The following LRBA variants were observed in gnomAD, a reference collection of about 807,000 sequenced individuals.
The protein encoded by LRBA is LPS responsive beige-like anchor protein, also known as lipopolysaccharide-responsive and beige-like anchor protein.
A neutral mutation model predicts 330.0 loss-of-function variants in LRBA; 176 were observed. That is an observed-to-expected ratio of 0.53 (90% CI 0.47 to 0.60). LRBA has a LOEUF of 0.60. Ranked by LOEUF, LRBA falls within the 20% of genes least tolerant of loss-of-function variation. The probability of loss-of-function intolerance (pLI) is 0.00; values close to 1 mark genes in which losing one functional copy is unlikely to be tolerated. For missense variants in LRBA, 3,259 were observed against 3,444.8 expected, an observed-to-expected ratio of 0.95 and a Z score of 1.35; for synonymous variants, 1,230 against 1,193.0, an observed-to-expected ratio of 1.03 and a Z score of -0.64.
At chr4:150,391,838 C>G (rs1743988127) in intron 47 of LRBA, among the ~76,000 whole-genome samples, 1 of 146,172 alleles carries the variant, frequency 6.8e-6, no homozygotes, top group Admixed American at 7.0e-5. Flanking sequence ...TTGGTTTAGG[C>G]TCTCAGAATT....
chr4:150,932,559 T>C (rs1279543717), intron 2 of LRBA, among the ~76,000 whole-genome samples: 4 of 152,014 alleles, frequency 2.6e-5, no homozygotes, highest in African/African-American at 7.3e-5. Flanking sequence ...TGCAAGAACA[T>C]GAGGAAACAG....
intron 40 of LRBA, among the ~76,000 whole-genome samples, chr4:150,543,848 AC>A (rs1765568454): frequency 6.6e-6 from 1 of 152,146 alleles, no homozygotes; most frequent in Admixed American, 6.5e-5. Flanking sequence ...TCATTTACAT[AC>A]TAAAAGGGCA....
intron 24 of LRBA, 57 bp from the exon 25 acceptor site, chr4:150,849,632 G>A: frequency 1.4e-6 from 2 of 1,421,772 alleles, no homozygotes; most frequent in Non-Finnish European, 2.0e-6. Context: ...ATCACAGTTT[G>A]CCTACTTGAG....
chr4:150,406,914 G>A (rs11733079), intron 47 of LRBA, among the ~76,000 whole-genome samples: 33,151 of 152,044 alleles, frequency 0.22, 4,437 homozygotes, highest in Non-Finnish European at 0.31. Flanking sequence ...CCGAGTAGCT[G>A]GAACTACAGG....
At chr4:150,629,128 C>A (rs928873589) in intron 37 of LRBA, among the ~76,000 whole-genome samples, 1 of 152,120 alleles carries the variant, frequency 6.6e-6, no homozygotes, top group African/African-American at 2.4e-5. Flanking sequence ...TCTCAAACTT[C>A]TGGTCTCAAG....
chr4:150,544,345 C>T (rs1239657934), intron 40 of LRBA, among the ~76,000 whole-genome samples: 1 of 152,098 alleles, frequency 6.6e-6, no homozygotes, highest in Non-Finnish European at 1.5e-5. Context: ...CCAGGCTGGT[C>T]TCAAACCCCT....
Position 150,900,203 on chromosome 4 carries a change from G to C in LRBA, c.1770C>G (p.Leu590=). 1 of 1,607,542 alleles carries C rather than the reference G, an allele frequency of 6.2e-7. No individual in the cohort carries two copies. Residue 590 remains leucine, a synonymous_variant, in exon 14 of 57, where the codon CTC becomes CTG. Coordinates refer to ENST00000651943, the MANE Select transcript of LRBA (RefSeq NM_001364905.1). The stretch of plus-strand genomic sequence containing the variant: ...TGAATTCCGTGGACAGATAAGTATA[G>C]AGCATCAGTTGAACCTACAGAATAA... ...IHTPAKVQLM[L]YTYLSTEFIG... is the part of the protein sequence containing the mutation.
At chr4:150,726,381 T>C (rs1265355725) in intron 36 of LRBA, among the ~76,000 whole-genome samples, 1 of 151,966 alleles carries the variant, frequency 6.6e-6, no homozygotes, top group Non-Finnish European at 1.5e-5. Context: ...AAGACAAAAA[T>C]TGTAAAAAGA....
At chr4:150,418,156 T>C (rs1375326778) in intron 46 of LRBA, among the ~76,000 whole-genome samples, 3 of 152,046 alleles carry the variant, frequency 2.0e-5, no homozygotes, top group Non-Finnish European at 4.4e-5. Context: ...TGGCTAGGAC[T>C]ATAGGAATAC....
intron 35 of LRBA, among the ~76,000 whole-genome samples, chr4:150,757,414 T>G (rs1582257363): frequency 1.3e-5 from 2 of 152,154 alleles, no homozygotes; most frequent in East Asian, 3.8e-4. Flanking sequence ...TGTTAGACCT[T>G]ATGCTGTAGT....
intron 37 of LRBA, among the ~76,000 whole-genome samples, chr4:150,634,384 G>A (rs1777681607): frequency 6.6e-6 from 1 of 152,124 alleles, no homozygotes; most frequent in Admixed American, 6.5e-5. Flanking sequence ...GGAGCTCTGA[G>A]GCATAGCATA....
At chr4:150,322,529 C>T (rs994541017) in intron 49 of LRBA, among the ~76,000 whole-genome samples, 10 of 152,114 alleles carry the variant, frequency 6.6e-5, no homozygotes, top group African/African-American at 2.4e-4. Context: ...AATGTGGAGG[C>T]ACATATATTT....
Position 150,900,066 on chromosome 4 carries a change from A to G in LRBA, c.1907T>C (p.Ile636Thr). 2 of 1,612,552 alleles carry G rather than the reference A, an allele frequency of 1.2e-6. No homozygotes were observed. The highest frequency in any genetic ancestry group is 8.5e-7 in the Non-Finnish European group (1 of 1,178,954). Residue 636 changes from isoleucine to threonine, a missense_variant, in exon 14 of 57, where the codon ATC becomes ACC. Ile to Thr is a moderately conservative substitution (Grantham distance 89). Coordinates refer to ENST00000651943, the MANE Select transcript of LRBA (RefSeq NM_001364905.1). ...WAVNPQDRSG[I>T]TPKGLDGPRP... ...TTATATACCTAATCCTTTTGGGGTGATACCACTTCGATCCTGAGGATTCAC... is the reference window on the plus strand; with the variant it reads ...TTATATACCTAATCCTTTTGGGGTGGTACCACTTCGATCCTGAGGATTCAC...
intron 35 of LRBA, among the ~76,000 whole-genome samples, chr4:150,737,603 G>A (rs1227576301): frequency 6.6e-6 from 1 of 151,924 alleles, no homozygotes; most frequent in East Asian, 1.9e-4. Flanking sequence ...CTTCAATAAT[G>A]AGATTTAAAG....
chr4:150,362,756 C>T (rs1738895069), intron 47 of LRBA, among the ~76,000 whole-genome samples: 1 of 152,194 alleles, frequency 6.6e-6, no homozygotes, highest in South Asian at 2.1e-4. Context: ...TTTCCATACA[C>T]ACCACCCACA....
chr4:150,806,555 CCTT>C (rs1261777114), intron 32 of LRBA, 151 bp from the exon 33 acceptor site: 1 of 354,010 alleles, frequency 2.8e-6, no homozygotes, highest in African/African-American at 2.2e-5. Flanking sequence ...GCATAGCAGT[CCTT>C]CTGCCAAAAA....
intron 2 of LRBA, among the ~76,000 whole-genome samples, chr4:150,943,692 T>C (rs1234566358): frequency 6.6e-6 from 1 of 152,028 alleles, no homozygotes; most frequent in Non-Finnish European, 1.5e-5. Context: ...AGTTAGTAAG[T>C]AAACAAAAAA....
At chr4:150,946,917 CAA>C (rs34474606) in intron 2 of LRBA, among the ~76,000 whole-genome samples, 18 of 117,570 alleles carry the variant, frequency 1.5e-4, no homozygotes, top group Admixed American at 3.5e-4. Flanking sequence ...TTAGAGGCAG[CAA>C]AAAAAAAAAA....
chr4:150,432,308 A>G (rs1750496010), intron 46 of LRBA, among the ~76,000 whole-genome samples: 1 of 152,066 alleles, frequency 6.6e-6, no homozygotes, highest in Admixed American at 6.6e-5. Context: ...ACTGTTTAAC[A>G]TTTCTTTAGT....
Sources: allele counts gnomAD v4.1 joint callset (sites outside exome capture counted in the v4.1 genomes callset), GRCh38; gene constraint gnomAD v4.1.1; transcripts MANE v1.5; gene names NCBI Gene and HGNC (gene_info 2026-07-23, HGNC 2026-07-21).